The following TJP3 variants were observed in gnomAD, a reference collection of about 807,000 sequenced individuals.
TJP3 encodes the protein tight junction protein ZO-3.
Under a neutral mutation model 104.2 loss-of-function variants are expected in TJP3, and 85 were observed. That is an observed-to-expected ratio of 0.82 (90% CI 0.68 to 0.98). The LOEUF (loss-of-function observed/expected upper bound fraction) is 0.98. Among genes scored for constraint, TJP3 ranks in the 50% least tolerant of loss-of-function variants. The pLI is 0.00. For synonymous variants in TJP3, 550 were observed against 550.6 expected (o/e 1.00, Z 0.02); for missense variants, 1,367 against 1,322.8 (o/e 1.03, Z -0.52).
chr19:3,746,153 T>C lies in TJP3; in HGVS notation c.2010+72T>C. On this transcript the variant is annotated intron_variant, in intron 16 of 20. Transcript: ENST00000541714. This position sits in a 1 kb window ranked among gnomAD's most constrained non-coding sequence, Gnocchi z 4.1. ...CGAGGCCTGGGCATCCAACTGAATGTCCTGACCTGTTCTCAGCCCACACCC... is the reference window on the plus strand; with the variant it reads ...CGAGGCCTGGGCATCCAACTGAATGCCCTGACCTGTTCTCAGCCCACACCC... 1 of 1,417,712 alleles carries C rather than the reference T, an allele frequency of 7.1e-7. No individual in the cohort carries two copies. Among genetic ancestry groups the C allele is most frequent in the Non-Finnish European group, 9.8e-7 (1 of 1,023,654 alleles). The allele number at this position is 1,417,712 out of a possible 1,614,324, so 87.8% of individuals were successfully genotyped here. A position where few individuals can be genotyped will look rare whatever the true frequency, so the allele number is the denominator to read the frequency against.
chr19:3,724,911 T>C (rs1389034296), intron 1 of TJP3, among the ~76,000 whole-genome samples: 1 of 150,740 alleles, frequency 6.6e-6, no homozygotes, highest in African/African-American at 2.4e-5. Flanking sequence ...TTTTGAAAAA[T>C]AAGCTCAGAA....
chr19:3,728,902 A>G (rs1330415265), intron 3 of TJP3, among the ~76,000 whole-genome samples, 189 bp downstream of exon 3: 2 of 151,978 alleles, frequency 1.3e-5, no homozygotes, highest in Non-Finnish European at 2.9e-5. Flanking sequence ...AAATTACAAA[A>G]ATTAGCGGGA....
rs986562874 is a variant in TJP3 at position 3,735,945 on chromosome 19, C to T, written c.1127+10C>T. 2 of 1,613,898 alleles carry T rather than the reference C, an allele frequency of 1.2e-6. No individual in the cohort carries two copies. The highest frequency in any genetic ancestry group is 2.7e-5 in the African/African-American group (2 of 74,858). ...GCATGGAGGATCGTGGGTATGTACC[C>T]CAGAAGAAAGCAAACCCGCTCAAAA... On this transcript the variant is annotated intron_variant, in intron 10 of 20. Transcript: ENST00000541714.
In TJP3 at chr19:3,730,013, G is replaced by A. The variant is rs376123245; in HGVS notation, c.159-15G>A. On this transcript the variant is annotated splice_polypyrimidine_tract_variant and intron_variant, in intron 3 of 20. Coordinates refer to ENST00000541714, the MANE Select transcript of TJP3 (RefSeq NM_001267560.2). The surrounding 1 kb of genome is among the most constrained non-coding windows in gnomAD (Gnocchi z 7.3). ...CTGCAAAGCCTCCTCCGTAAGACCC[G>A]CCCTCCTCTCTCAGGACAGGCGACC... is the stretch of plus-strand genomic sequence containing the variant. The A allele has an allele frequency of 4.4e-5, 71 of 1,611,626 alleles. No individual in the cohort carries two copies. The African/African-American group carries it at 8.3e-4, about 19-fold the overall frequency.
chr19:3,746,867 G>A lies in TJP3; in HGVS notation c.2313G>A (p.Ala771=), dbSNP rs767830921. 40 of 1,606,568 alleles carry A rather than the reference G, an allele frequency of 2.5e-5. No individual in the cohort carries two copies. The highest frequency in any genetic ancestry group is 4.5e-5 in the South Asian group (4 of 89,538). ...REQQTRPIWT[A]EDQLDGSLED... ...AGCAGACGCGGCCCATCTGGACGGCGGAAGATCAGGTACTGCCGCGGTGTG... is the reference window on the plus strand; with the variant it reads ...AGCAGACGCGGCCCATCTGGACGGCAGAAGATCAGGTACTGCCGCGGTGTG... Residue 771 remains alanine (A), a synonymous_variant, in exon 18 of 21, where the codon GCG becomes GCA. Coordinates refer to ENST00000541714, the MANE Select transcript of TJP3 (RefSeq NM_001267560.2). The surrounding 1 kb of genome is among the most constrained non-coding windows in gnomAD (Gnocchi z 4.1).
chr19:3,738,419 C>T (rs1167886467), intron 11 of TJP3, 136 bp from the exon 12 acceptor site: 7 of 689,610 alleles, frequency 1.0e-5, no homozygotes, highest in African/African-American at 1.8e-5. Context: ...GGAAAGCCCT[C>T]GGGGAACTGC....
In TJP3 at chr19:3,739,048, C is replaced by T; in HGVS notation, c.1545C>T (p.Ser515=). 6.2e-7 allele frequency: 1 copy of T among 1,610,372 alleles called. No individual in the cohort carries two copies. The highest frequency in any genetic ancestry group is 8.5e-7 in the Non-Finnish European group (1 of 1,178,258). ...LDTLHPGPGQ[S]HARGGHWLAV... is the part of the protein sequence containing the mutation. Reference sequence around the variant, plus strand: ...CGCTGCACCCCGGCCCCGGGCAGAGCCACGCACGAGGAGGCCACTGGCTGG... The same window carrying T: ...CGCTGCACCCCGGCCCCGGGCAGAGTCACGCACGAGGAGGCCACTGGCTGG... Residue 515 remains serine, a synonymous_variant, in exon 13 of 21, where the codon AGC becomes AGT. Transcript: ENST00000541714.
At chr19:3,718,444 CT>C (rs1223718351) in intron 1 of TJP3, among the ~76,000 whole-genome samples, 17 of 98,490 alleles carry the variant, frequency 1.7e-4, no homozygotes, top group African/African-American at 6.8e-4. Flanking sequence ...GCAGCATTTT[CT>C]TTTCTTGCGG....
chr19:3,721,148 C>A (rs2036538431), intron 1 of TJP3, among the ~76,000 whole-genome samples: 1 of 152,116 alleles, frequency 6.6e-6, no homozygotes, highest in Non-Finnish European at 1.5e-5. Context: ...GATCCGCTCG[C>A]CTCGGCCTCC....
chr19:3,723,667 C>T (rs2036565738), intron 1 of TJP3, among the ~76,000 whole-genome samples: 1 of 151,570 alleles, frequency 6.6e-6, no homozygotes, highest in Non-Finnish European at 1.5e-5. Flanking sequence ...TGGTTGGACG[C>T]CTGTAATTCT....
chr19:3,743,035 G>A (rs1164858354), intron 14 of TJP3, among the ~76,000 whole-genome samples: 1 of 152,042 alleles, frequency 6.6e-6, no homozygotes, highest in Non-Finnish European at 1.5e-5. Flanking sequence ...GGAGGCCGAG[G>A]CGGGCGGATC....
chr19:3,743,896 G>A lies in TJP3; in HGVS notation c.1844-43G>A, dbSNP rs1168739722. 13 of 1,586,898 alleles carry A rather than the reference G, an allele frequency of 8.2e-6. No homozygotes were observed. In the East Asian group the frequency reaches 1.3e-4, roughly 16 times the overall value. On this transcript the variant is annotated intron_variant, in intron 14 of 20. Coordinates refer to ENST00000541714, the MANE Select transcript of TJP3 (RefSeq NM_001267560.2). ...TACAACACACTAGCAGTCTTTGATCGCAAATGGGACCCTGATTCTTTCACT... is the reference window on the plus strand; with the variant it reads ...TACAACACACTAGCAGTCTTTGATCACAAATGGGACCCTGATTCTTTCACT...
chr19:3,713,372 A>G (rs1319056438), intron 1 of TJP3, among the ~76,000 whole-genome samples: 1 of 152,166 alleles, frequency 6.6e-6, no homozygotes, highest in Non-Finnish European at 1.5e-5. Context: ...CTGGTCCCCA[A>G]TGTCCCCACA....
At chr19:3,744,731 A>G (rs1040079959) in intron 15 of TJP3, among the ~76,000 whole-genome samples, 1 of 152,002 alleles carries the variant, frequency 6.6e-6, no homozygotes, top group African/African-American at 2.4e-5. Context: ...GTTCGAGACC[A>G]GCCTGGCCAA....
At chr19:3,741,544 T>C (rs2036819959) in intron 14 of TJP3, among the ~76,000 whole-genome samples, 1 of 146,594 alleles carries the variant, frequency 6.8e-6, no homozygotes, top group Admixed American at 6.9e-5. Flanking sequence ...GGAGAATCAC[T>C]TGAACCCGGG....
intron 14 of TJP3, among the ~76,000 whole-genome samples, chr19:3,741,467 A>C (rs1032158036): frequency 1.3e-5 from 2 of 151,204 alleles, no homozygotes; most frequent in Non-Finnish European, 2.9e-5. Flanking sequence ...CTCTACTAAA[A>C]GTACAAAAAA....
rs1389565694 is a variant in TJP3 at position 3,747,809 on chromosome 19, G to A, written c.2338G>A (p.Glu780Lys). The change falls in exon 19 of 21, where the codon GAG becomes AAG. Residue 780 changes from glutamate to lysine, a missense_variant. By Grantham distance (56) the Glu-to-Lys change is moderately conservative. Transcript: ENST00000541714. ...CACCCCACAGCTGGATGGCTCCTTG[G>A]AGGACAACCTAGACCTCCCTCACCA... Reference protein sequence around the residue: ...TAEDQLDGSLEDNLDLPHHGL... With the variant: ...TAEDQLDGSLKDNLDLPHHGL... 1 of 1,597,584 alleles carries A rather than the reference G, an allele frequency of 6.3e-7. No homozygotes were observed. The highest frequency in any genetic ancestry group is 8.5e-7 in the Non-Finnish European group (1 of 1,174,478).
Position 3,740,653 on chromosome 19 carries a change from G to A in TJP3, c.1733G>A (p.Arg578Gln), listed in dbSNP as rs2036802461. The part of the protein sequence containing the change: ...SNARAEFWRL[R>Q]GLRRGAKKTT... Reference sequence around the variant, plus strand: ...GCTCGGGCCGAGTTCTGGCGGCTGCGGGGTCTTCGTCGAGGAGCCAAGAAG... The same window carrying A: ...GCTCGGGCCGAGTTCTGGCGGCTGCAGGGTCTTCGTCGAGGAGCCAAGAAG... The change falls in exon 14 of 21, where the codon CGG (arginine) becomes CAG (glutamine). Residue 578 changes from arginine (R) to glutamine (Q), a missense_variant. Coordinates refer to ENST00000541714, the MANE Select transcript of TJP3 (RefSeq NM_001267560.2). 13 of 1,605,350 alleles carry A rather than the reference G, an allele frequency of 8.1e-6. No homozygotes were observed. Among genetic ancestry groups the A allele is most frequent in the South Asian group, 1.1e-5 (1 of 90,466 alleles).
rs551619402 is a variant in TJP3 at position 3,723,868 on chromosome 19, A to C, written c.-9-4556A>C. Among the ~76,000 whole-genome samples, 53 of 151,370 alleles carry C rather than the reference A, an allele frequency of 3.5e-4. 1 individual carries two copies. In the South Asian group the frequency reaches 0.01, roughly 30 times the overall value. On this transcript the variant is annotated intron_variant, in intron 1 of 20. Coordinates refer to ENST00000541714, the MANE Select transcript of TJP3 (RefSeq NM_001267560.2). ...GGCAGGAGTGATAGGGGATCAGAGA[A>C]GACTGGTTAGCTAGGTGGTCAGGGA...
Sources: allele counts gnomAD v4.1 joint callset (sites outside exome capture counted in the v4.1 genomes callset), GRCh38; gene constraint gnomAD v4.1.1; non-coding constraint Gnocchi (gnomAD v3.1); transcripts MANE v1.5; gene names NCBI Gene and HGNC (gene_info 2026-07-23, HGNC 2026-07-21).